The following NLGN1 variants were observed in gnomAD, a reference collection of about 807,000 sequenced individuals.
NLGN1 encodes neuroligin 1.
Under a neutral mutation model 65.5 loss-of-function variants are expected in NLGN1, and 12 were observed. The observed-to-expected ratio is 0.18, with a 90% CI of 0.12 to 0.30. NLGN1 has a LOEUF of 0.30. Ranked by LOEUF, NLGN1 falls within the 10% of genes least tolerant of loss-of-function variation. The pLI is 1.00. For missense variants in NLGN1, 750 were observed against 1,007.1 expected, an observed-to-expected ratio of 0.74 and a Z score of 3.46; for synonymous variants, 350 against 359.5, an observed-to-expected ratio of 0.97 and a Z score of 0.30.
intron 3 of NLGN1, among the ~76,000 whole-genome samples, chr3:173,629,143 T>C (rs550915676): frequency 1.3e-5 from 2 of 152,232 alleles, no homozygotes; most frequent in Non-Finnish European, 2.9e-5. Flanking sequence ...GGGATATACC[T>C]GAGTTTTAGA....
chr3:173,710,354 TA>T (rs924574333), intron 3 of NLGN1, among the ~76,000 whole-genome samples: 8 of 151,800 alleles, frequency 5.3e-5, no homozygotes, highest in African/African-American at 1.7e-4. Flanking sequence ...CACTCACATT[TA>T]AAAAAAAATC....
At chr3:174,157,527 C>T (rs929210326) in intron 4 of NLGN1, among the ~76,000 whole-genome samples, 2 of 151,412 alleles carry the variant, frequency 1.3e-5, no homozygotes, top group Non-Finnish European at 3.0e-5. Context: ...CGATAGTTGA[C>T]GTAACCCCCC....
chr3:174,278,804 GT>G (rs1577782847), intron 5 of NLGN1, 56 bp from the exon 6 acceptor site: 4 of 1,322,292 alleles, frequency 3.0e-6, no homozygotes, highest in East Asian at 4.9e-5. Flanking sequence ...AGATGTTATT[GT>G]TTTACCACAA....
chr3:174,109,612 G>T (rs999373404), intron 4 of NLGN1, among the ~76,000 whole-genome samples: 1 of 151,782 alleles, frequency 6.6e-6, no homozygotes, highest in South Asian at 2.1e-4. Flanking sequence ...ACTCCATCGA[G>T]AAATTAACAT....
At chr3:173,803,546 T>C (rs560153727) in intron 3 of NLGN1, among the ~76,000 whole-genome samples, 1 of 152,194 alleles carries the variant, frequency 6.6e-6, no homozygotes, top group East Asian at 1.9e-4. Flanking sequence ...AGGTGGAGAT[T>C]GCAATGAGCC....
chr3:174,099,452 C>G (rs973563939), intron 4 of NLGN1, among the ~76,000 whole-genome samples: 1 of 152,120 alleles, frequency 6.6e-6, no homozygotes, highest in Non-Finnish European at 1.5e-5. Context: ...TTTAACAATG[C>G]CCCAGTTTCA....
intron 4 of NLGN1, among the ~76,000 whole-genome samples, chr3:173,857,407 C>G (rs1205429927): frequency 6.6e-6 from 1 of 152,096 alleles, no homozygotes; most frequent in Non-Finnish European, 1.5e-5. Flanking sequence ...CTGAAACTCC[C>G]TCCCAGGTCT....
At chr3:173,761,721 A>T (rs906212310) in intron 3 of NLGN1, among the ~76,000 whole-genome samples, 10 of 152,052 alleles carry the variant, frequency 6.6e-5, no homozygotes, top group Non-Finnish European at 5.9e-5. Flanking sequence ...CAGTAAAATG[A>T]GGAAATAAGA....
chr3:173,532,535 A>G (rs1335682511), intron 2 of NLGN1, among the ~76,000 whole-genome samples: 2 of 152,182 alleles, frequency 1.3e-5, no homozygotes, highest in Non-Finnish European at 2.9e-5. Flanking sequence ...TTACTTGTAT[A>G]TGTGTGTTTC....
intron 2 of NLGN1, among the ~76,000 whole-genome samples, chr3:173,558,182 T>C (rs907582224): frequency 6.6e-6 from 1 of 151,954 alleles, no homozygotes; most frequent in African/African-American, 2.4e-5. Context: ...ATATCAGATG[T>C]TATTTTCTAA....
chr3:173,705,154 AT>A (rs142650001), intron 3 of NLGN1, among the ~76,000 whole-genome samples: 3,445 of 150,474 alleles, frequency 0.023, 123 homozygotes, highest in African/African-American at 0.078. Flanking sequence ...CTTTGGAAAC[AT>A]TTTTTTTTTA....
intron 4 of NLGN1, among the ~76,000 whole-genome samples, chr3:174,162,058 G>A (rs912266139): frequency 1.3e-5 from 2 of 151,708 alleles, no homozygotes; most frequent in African/African-American, 2.4e-5. Context: ...AACTCCTGGG[G>A]TAGTTACATA....
At chr3:173,527,048 A>G (rs1371502451) in intron 2 of NLGN1, among the ~76,000 whole-genome samples, 2 of 152,220 alleles carry the variant, frequency 1.3e-5, no homozygotes, top group African/African-American at 2.4e-5. Flanking sequence ...ATAGTGCTGC[A>G]ATAAACATGG....
intron 4 of NLGN1, among the ~76,000 whole-genome samples, chr3:173,886,337 T>G (rs1336511939): frequency 6.6e-6 from 1 of 152,096 alleles, no homozygotes; most frequent in Non-Finnish European, 1.5e-5. Flanking sequence ...AGTCCTCAAA[T>G]TTACTGTTAC....
chr3:173,601,206 G>A (rs1750484103), intron 2 of NLGN1, among the ~76,000 whole-genome samples: 1 of 151,858 alleles, frequency 6.6e-6, no homozygotes, highest in South Asian at 2.1e-4. Flanking sequence ...AGATTTTCTG[G>A]CCTTCTTATT....
At chr3:174,042,559 G>A (rs977112266) in intron 4 of NLGN1, among the ~76,000 whole-genome samples, 7 of 152,124 alleles carry the variant, frequency 4.6e-5, no homozygotes, top group African/African-American at 1.4e-4. Flanking sequence ...ACATGAGTCC[G>A]AACTTATGTT....
chr3:174,055,362 G>A (rs1426871728), intron 4 of NLGN1, among the ~76,000 whole-genome samples: 1 of 151,906 alleles, frequency 6.6e-6, no homozygotes, highest in African/African-American at 2.4e-5. Context: ...TTGGAAAGAA[G>A]AGAAAGTTGG....
At chr3:173,457,352 A>G (rs1722670895) in intron 2 of NLGN1, among the ~76,000 whole-genome samples, 2 of 152,088 alleles carry the variant, frequency 1.3e-5, no homozygotes. Flanking sequence ...CGGATTTTGA[A>G]CCACATAAGT....
chr3:174,061,054 A>G lies in NLGN1; in HGVS notation c.647-214261A>G, dbSNP rs180693557. On this transcript the variant is annotated intron_variant, in intron 4 of 6. Transcript: ENST00000457714. ...ATACGGTTATTTTGCCTATTAAATA[A>G]GGTCTCAATATCTATTCTGGTGGTG... is the stretch of plus-strand genomic sequence containing the variant. 9.2e-5 allele frequency among the ~76,000 whole-genome samples: 14 copies of G among 152,226 alleles called. No homozygotes were observed. The East Asian group carries it at 2.5e-3, about 27-fold the overall frequency.
Sources: gnomAD v4.1 joint callset for allele counts (sites outside exome capture counted in the v4.1 genomes callset) on GRCh38, gnomAD v4.1.1 for gene constraint, MANE v1.5 for transcripts, NCBI Gene and HGNC (gene_info 2026-07-23, HGNC 2026-07-21) for gene names.